The following CNGB3 variants were observed in gnomAD, a reference collection of about 807,000 sequenced individuals.
CNGB3 encodes the protein cyclic nucleotide gated channel subunit beta 3.
A neutral mutation model predicts 92.8 loss-of-function variants in CNGB3; 86 were observed. The ratio of observed to expected loss-of-function variants is 0.93; its 90% CI spans 0.78 to 1.11. The LOEUF (loss-of-function observed/expected upper bound fraction) is 1.11. CNGB3 is among the 50% of genes least tolerant of loss of function. The pLI, the probability that CNGB3 is intolerant of heterozygous loss-of-function variation, is 0.00. For missense variants in CNGB3, 1,026 were observed against 956.8 expected, an observed-to-expected ratio of 1.07 and a Z score of -0.95; for synonymous variants, 333 against 332.7, an observed-to-expected ratio of 1.00 and a Z score of -0.01.
intron 13 of CNGB3, among the ~76,000 whole-genome samples, chr8:86,623,968 A>G (rs567601120): frequency 2.0e-5 from 3 of 152,160 alleles, no homozygotes; most frequent in Non-Finnish European, 4.4e-5. Flanking sequence ...TCTTCCACAG[A>G]TGGTTGTGAT....
At chr8:86,647,656 AG>A (rs1295012231) in intron 8 of CNGB3, 144 bp downstream of exon 8, 11 of 577,402 alleles carry the variant, frequency 1.9e-5, no homozygotes, top group Admixed American at 1.2e-4. Flanking sequence ...AGCATTGATG[AG>A]GGCAGAAAGA....
At chr8:86,736,290 A>G (rs982560067) in intron 2 of CNGB3, among the ~76,000 whole-genome samples, 9 of 152,184 alleles carry the variant, frequency 5.9e-5, no homozygotes, top group African/African-American at 1.9e-4. Context: ...TCTTAAATAT[A>G]ACTGTTATTC....
chr8:86,649,799 G>A (rs1263379439), intron 7 of CNGB3, among the ~76,000 whole-genome samples: 1 of 151,488 alleles, frequency 6.6e-6, no homozygotes, highest in Non-Finnish European at 1.5e-5. Flanking sequence ...ATAAATAAAT[G>A]GGACCTGATT....
chr8:86,625,377 A>T (rs988817142), intron 13 of CNGB3, among the ~76,000 whole-genome samples: 10 of 152,214 alleles, frequency 6.6e-5, no homozygotes, highest in African/African-American at 2.4e-4. Flanking sequence ...TGAATGGATG[A>T]GTCGGTGAAT....
intron 6 of CNGB3, chr8:86,661,575 C>A (rs1241121003): frequency 2.8e-5 from 21 of 745,648 alleles, no homozygotes; most frequent in Non-Finnish European, 5.2e-5. Flanking sequence ...GCCAAATTTT[C>A]TTTTTCAATT....
intron 3 of CNGB3, among the ~76,000 whole-genome samples, chr8:86,693,017 G>T (rs991386844): frequency 5.3e-5 from 8 of 152,090 alleles, no homozygotes; most frequent in Admixed American, 2.0e-4. Context: ...AAAATTCTTG[G>T]CTGATTATTG....
In CNGB3 at chr8:86,585,875, T is replaced by C. The variant is rs1435887144; in HGVS notation, c.1782-6623A>G. Among the ~76,000 whole-genome samples the C allele has an allele frequency of 2.0e-5, 3 of 152,186 alleles. 1 individual carries two copies. Among genetic ancestry groups the C allele is most frequent in the African/African-American group, 7.2e-5 (3 of 41,442 alleles). On this transcript the variant is annotated intron_variant, in intron 15 of 17. Transcript: ENST00000320005. Reference sequence around the variant, plus strand: ...AGTTCAGTAAGAGTAAGTTTATGGATGGAAGGAGATAGGTCAGTACAATGC... The same window carrying C: ...AGTTCAGTAAGAGTAAGTTTATGGACGGAAGGAGATAGGTCAGTACAATGC...
At chr8:86,707,999 G>A (rs1348428124) in intron 3 of CNGB3, 1 of 152,172 alleles carries the variant, frequency 6.6e-6, no homozygotes, top group African/African-American at 2.4e-5. Context: ...AAAGAGGTAA[G>A]GGAAATTAAG....
At chr8:86,670,285 T>C (rs1823829019) in intron 4 of CNGB3, among the ~76,000 whole-genome samples, 1 of 152,220 alleles carries the variant, frequency 6.6e-6, no homozygotes. Flanking sequence ...TAATATGTAC[T>C]TTGCATAACA....
At chr8:86,662,784 TA>T (rs1823668211) in intron 6 of CNGB3, among the ~76,000 whole-genome samples, 1 of 152,136 alleles carries the variant, frequency 6.6e-6, no homozygotes, top group Non-Finnish European at 1.5e-5. Flanking sequence ...CCCCCCTTTT[TA>T]AACCTTTTCA....
intron 3 of CNGB3, among the ~76,000 whole-genome samples, chr8:86,715,553 T>C (rs1272836886): frequency 6.6e-6 from 1 of 151,986 alleles, no homozygotes; most frequent in African/African-American, 2.4e-5. Flanking sequence ...CAGCAGCCCT[T>C]GGATCCCAGA....
intron 12 of CNGB3, 140 bp downstream of exon 12, chr8:86,628,779 T>C: frequency 1.1e-6 from 1 of 880,742 alleles, no homozygotes; most frequent in Non-Finnish European, 1.8e-6. Context: ...AAAAAACCTG[T>C]AGCATTAAAC....
At chr8:86,635,837 T>TAG in intron 10 of CNGB3, among the ~76,000 whole-genome samples, 1 of 60,004 alleles carries the variant, frequency 1.7e-5, no homozygotes, top group South Asian at 6.3e-4. Flanking sequence ...TATATATATA[T>TAG]ATATATATAT....
chr8:86,712,517 G>C (rs1266161907), intron 3 of CNGB3, among the ~76,000 whole-genome samples: 3 of 151,928 alleles, frequency 2.0e-5, no homozygotes, highest in African/African-American at 7.2e-5. Context: ...TGGCTACTTA[G>C]TTACTCCAGC....
chr8:86,612,686 T>C (rs961642659), intron 13 of CNGB3, among the ~76,000 whole-genome samples: 1 of 152,208 alleles, frequency 6.6e-6, no homozygotes, highest in South Asian at 2.1e-4. Flanking sequence ...TAATAATTTA[T>C]GATTGAAGTA....
chr8:86,651,703 CAG>C (rs1823407274), intron 7 of CNGB3, among the ~76,000 whole-genome samples: 1 of 151,896 alleles, frequency 6.6e-6, no homozygotes, highest in Middle Eastern at 3.4e-3. Flanking sequence ...TTTGTGTAGA[CAG>C]AGATAATTTA....
intron 15 of CNGB3, among the ~76,000 whole-genome samples, chr8:86,579,672 G>A (rs1821724552): frequency 1.3e-5 from 2 of 152,180 alleles, no homozygotes; most frequent in Admixed American, 1.3e-4. Flanking sequence ...CATTGGAAAA[G>A]ACTAATAGGA....
intron 3 of CNGB3, among the ~76,000 whole-genome samples, chr8:86,722,348 C>T (rs1388799442): frequency 6.6e-6 from 1 of 152,108 alleles, no homozygotes; most frequent in East Asian, 1.9e-4. Flanking sequence ...TGGTAATGGA[C>T]AAATGGCATC....
intron 14 of CNGB3, among the ~76,000 whole-genome samples, chr8:86,611,263 C>T (rs995876624): frequency 6.6e-6 from 1 of 152,120 alleles, no homozygotes; most frequent in Non-Finnish European, 1.5e-5. Context: ...AAAGGCTGAA[C>T]CACCTATCGC....
Sources: gnomAD v4.1 joint callset for allele counts (sites outside exome capture counted in the v4.1 genomes callset) on GRCh38, gnomAD v4.1.1 for gene constraint, MANE v1.5 for transcripts, NCBI Gene and HGNC (gene_info 2026-07-23, HGNC 2026-07-21) for gene names.